Variants in FNDC3A observed in about 807,000 individuals in gnomAD.
The protein encoded by FNDC3A is fibronectin type III domain containing 3A.
Under a neutral mutation model 148.9 loss-of-function variants are expected in FNDC3A, and 32 were observed. The ratio of observed to expected loss-of-function variants is 0.21; its 90% CI spans 0.16 to 0.29. The LOEUF is 0.29. FNDC3A is among the 10% of genes least tolerant of loss of function. FNDC3A has a pLI of 1.00. For synonymous variants in FNDC3A, 472 were observed against 473.6 expected (o/e 1.00, Z 0.04); for missense variants, 1,191 against 1,452.8 (o/e 0.82, Z 2.93).
rs1873303563 is a variant in FNDC3A at position 49,021,243 on chromosome 13, T to C, written c.99+14954T>C. Among the ~76,000 whole-genome samples the C allele has an allele frequency of 3.3e-5, 5 of 152,228 alleles. No homozygotes were observed. The South Asian group carries it at 8.3e-4, about 25-fold the overall frequency. On this transcript the variant is annotated intron_variant, in intron 2 of 25. Transcript: ENST00000492622. ...TATGAACATCTTATTCTGCAGCTTT[T>C]CCTGTCCAAGTTTTTGGTTAGCTTC...
intron 4 of FNDC3A, among the ~76,000 whole-genome samples, chr13:49,119,669 C>G (rs1881204699): frequency 6.6e-6 from 1 of 151,788 alleles, no homozygotes; most frequent in South Asian, 2.1e-4. Flanking sequence ...CTGAAAAACA[C>G]AGCACAAGAA....
intron 19 of FNDC3A, among the ~76,000 whole-genome samples, chr13:49,191,941 C>T (rs1250655917): frequency 1.3e-5 from 2 of 152,084 alleles, no homozygotes; most frequent in Non-Finnish European, 2.9e-5. Flanking sequence ...CTCCATTTCA[C>T]AACTAAGGAA....
chr13:49,157,858 TGAG>T (rs1566292199), intron 8 of FNDC3A, among the ~76,000 whole-genome samples: 1 of 137,460 alleles, frequency 7.3e-6, no homozygotes. Flanking sequence ...GGGACCCACT[TGAG>T]GAGGCAGTCT....
Position 49,186,078 on chromosome 13 carries a change from TCA to T in FNDC3A, c.1737_1738del (p.His579GlnfsTer3). On this transcript the variant is annotated frameshift_variant, in exon 15 of 26. Transcript: ENST00000492622. LOFTEE classifies it high-confidence loss of function. Reference protein sequence around the residue: ...VKPSVKGKIHSHSFKITWDPP... With the variant: ...VKPSVKGKIHXHSFKITWDPP... ...GCCTTCAGTGAAAGGAAAGATACAT[TCA>T]CACAGTTTTAAAATAACCTGGGGTA... The T allele has an allele frequency of 6.2e-7, 1 of 1,612,744 alleles. No individual in the cohort carries two copies. Among genetic ancestry groups the T allele is most frequent in the Non-Finnish European group, 8.5e-7 (1 of 1,179,002 alleles).
intron 1 of FNDC3A, among the ~76,000 whole-genome samples, chr13:48,980,680 A>G (rs1951678596): frequency 6.6e-6 from 1 of 152,326 alleles, no homozygotes; most frequent in South Asian, 2.1e-4. Context: ...ATCTATTTCT[A>G]AGGCAGTTCT....
chr13:49,185,466 T>C (rs1012475292), intron 14 of FNDC3A, among the ~76,000 whole-genome samples: 1 of 152,180 alleles, frequency 6.6e-6, no homozygotes, highest in Non-Finnish European at 1.5e-5. Context: ...CCTCACCACA[T>C]GAGTTTTTCC....
At chr13:49,147,997 A>G (rs1440297971) in intron 8 of FNDC3A, among the ~76,000 whole-genome samples, 1 of 152,106 alleles carries the variant, frequency 6.6e-6, no homozygotes, top group East Asian at 1.9e-4. Flanking sequence ...GTATTTTTTC[A>G]TATACCTGTT....
intron 2 of FNDC3A, among the ~76,000 whole-genome samples, chr13:49,032,194 G>A (rs1056036081): frequency 6.6e-5 from 10 of 152,184 alleles, no homozygotes; most frequent in African/African-American, 2.4e-4. Context: ...TGGTGGGAAT[G>A]TAAACTGGTA....
At chr13:49,002,113 A>G (rs1315958981) in intron 1 of FNDC3A, among the ~76,000 whole-genome samples, 1 of 152,126 alleles carries the variant, frequency 6.6e-6, no homozygotes, top group Admixed American at 6.6e-5. Flanking sequence ...AAAAGAACCT[A>G]CGTGACTATC....
intron 2 of FNDC3A, among the ~76,000 whole-genome samples, chr13:49,068,267 G>C (rs1246764238): frequency 2.6e-5 from 4 of 152,022 alleles, no homozygotes; most frequent in African/African-American, 9.7e-5. Flanking sequence ...TAGAGGCAAT[G>C]ATGGGAGGAT....
intron 3 of FNDC3A, among the ~76,000 whole-genome samples, chr13:49,104,161 C>T (rs1486791710): frequency 2.0e-5 from 3 of 152,178 alleles, no homozygotes; most frequent in Non-Finnish European, 4.4e-5. Context: ...GTAAGAATTT[C>T]ATCTCAGTGA....
chr13:49,039,792 G>A (rs886472849), intron 2 of FNDC3A, among the ~76,000 whole-genome samples: 9 of 152,088 alleles, frequency 5.9e-5, no homozygotes, highest in Non-Finnish European at 8.8e-5. Flanking sequence ...TCGGCTCACT[G>A]CAACCTTCGC....
In FNDC3A at chr13:49,138,326, C is replaced by T. The variant is rs150346258; in HGVS notation, c.761-421C>T. Among the ~76,000 whole-genome samples the T allele has an allele frequency of 2.5e-3, 378 of 151,954 alleles. 2 individuals carry two copies. The highest frequency in any genetic ancestry group is 4.6e-3 in the Admixed American group (70 of 15,264). On this transcript the variant is annotated intron_variant, in intron 6 of 25. Coordinates refer to ENST00000492622, the MANE Select transcript of FNDC3A (RefSeq NM_001079673.2). ...TGGTGGCTATAAGTTACAGTCAAGC[C>T]AATTATATTTCTAATTTGGGAAACC...
At chr13:49,081,658 T>C (rs914986031) in intron 3 of FNDC3A, among the ~76,000 whole-genome samples, 2 of 152,210 alleles carry the variant, frequency 1.3e-5, no homozygotes, top group Admixed American at 6.5e-5. Context: ...CTACATCATA[T>C]ATAGTCTCTA....
chr13:49,191,226 G>T lies in FNDC3A; in HGVS notation c.2068G>T (p.Gly690Cys), dbSNP rs773845075. Residue 690 changes from glycine (G) to cysteine (C), a missense_variant, in exon 19 of 26, where the codon GGT becomes TGT. Around this residue, in one of 3 missense-constraint regions of FNDC3A, gnomAD observed 751 missense variants for 944.0 expected, o/e 0.80. Coordinates refer to ENST00000492622, the MANE Select transcript of FNDC3A (RefSeq NM_001079673.2). ...TCTTTTAGGACCCCCTCTGGTTGATGGTGGATCACCCATTTCCTGTTACAG... is the reference window on the plus strand; with the variant it reads ...TCTTTTAGGACCCCCTCTGGTTGATTGTGGATCACCCATTTCCTGTTACAG... ...QLRWGPPLVD[G>C]GSPISCYSVE... 1.7e-5 allele frequency: 28 copies of T among 1,609,040 alleles called. No individual in the cohort carries two copies. The South Asian group carries it at 1.8e-4, about 10-fold the overall frequency.
intron 3 of FNDC3A, among the ~76,000 whole-genome samples, chr13:49,075,605 T>A (rs912796604): frequency 6.6e-6 from 1 of 152,240 alleles, no homozygotes; most frequent in Non-Finnish European, 1.5e-5. Flanking sequence ...TCTTTCCTGT[T>A]CAGCAATCTT....
intron 1 of FNDC3A, among the ~76,000 whole-genome samples, chr13:48,991,770 T>C (rs1951924014): frequency 6.6e-6 from 1 of 152,200 alleles, no homozygotes. Context: ...ACAGATGCTC[T>C]TTAATTCATG....
At chr13:48,992,268 G>A (rs1245186346) in intron 1 of FNDC3A, among the ~76,000 whole-genome samples, 2 of 152,114 alleles carry the variant, frequency 1.3e-5, no homozygotes, top group African/African-American at 2.4e-5. Context: ...AGCATTGAAA[G>A]CACCATTCAT....
At chr13:48,983,998 GAA>G (rs1951744278) in intron 1 of FNDC3A, among the ~76,000 whole-genome samples, 1 of 151,980 alleles carries the variant, frequency 6.6e-6, no homozygotes, top group South Asian at 2.1e-4. Flanking sequence ...TGAGATAACA[GAA>G]AAAGATTTGT....
Sources: gnomAD v4.1 joint callset for allele counts (sites outside exome capture counted in the v4.1 genomes callset) on GRCh38, gnomAD v4.1.1 for gene constraint, gnomAD v4.1.1 regional missense constraint, MANE v1.5 for transcripts, NCBI Gene and HGNC (gene_info 2026-07-23, HGNC 2026-07-21) for gene names.